The following RAB33A variants were observed in gnomAD, a reference collection of about 807,000 sequenced individuals.
The protein encoded by RAB33A is RAB33A, member RAS oncogene family.
A neutral mutation model predicts 12.0 loss-of-function variants in RAB33A; 6 were observed. The ratio of observed to expected loss-of-function variants is 0.50; its 90% CI spans 0.27 to 0.99. RAB33A has a LOEUF of 0.99. Among genes scored for constraint, RAB33A ranks in the 50% least tolerant of loss-of-function variants. The pLI is 0.11. For missense variants in RAB33A, 109 were observed against 192.0 expected (o/e 0.57, Z 2.55); for synonymous variants, 70 against 82.4 (o/e 0.85, Z 0.81).
chrX:130,115,659 GAGAA>G, the RAB33A span, among the ~76,000 whole-genome samples: 580 of 96,748 alleles, frequency 6.0e-3, 4 homozygotes, highest in African/African-American at 0.016. Flanking sequence ...GAAAGAAAGA[GAGAA>G]AGAGAGAGAG....
the RAB33A span, among the ~76,000 whole-genome samples, chrX:130,116,099 CTTT>C: frequency 3.2e-5 from 2 of 63,053 alleles, no homozygotes; most frequent in Admixed American, 1.8e-4. Flanking sequence ...ACCCCAGGTC[CTTT>C]TTTTTTTTTT....
chrX:130,166,517 T>C, the RAB33A span, among the ~76,000 whole-genome samples: 2 of 112,293 alleles, frequency 1.8e-5, no homozygotes, highest in Non-Finnish European at 1.9e-5. Flanking sequence ...CTTTCAGTTA[T>C]GGGAGTAGGG....
the RAB33A span, chrX:130,140,426 T>C: frequency 1.5e-6 from 1 of 669,144 alleles, no homozygotes; most frequent in South Asian, 2.2e-5. Flanking sequence ...CTTCAGAGAG[T>C]CTGGGTTTCC....
At chrX:130,181,393 A>G (rs2031725982) in intron 1 of RAB33A, among the ~76,000 whole-genome samples, 1 of 112,298 alleles carries the variant, frequency 8.9e-6, no homozygotes, top group Non-Finnish European at 1.9e-5. Context: ...GCAGTCAATT[A>G]GTGGCCATAA....
chrX:130,182,873 G>T (rs1024138026), intron 1 of RAB33A, among the ~76,000 whole-genome samples: 8 of 111,832 alleles, frequency 7.2e-5, no homozygotes, highest in Non-Finnish European at 1.3e-4. Context: ...TTTAATGGCT[G>T]CATAATATCC....
the RAB33A span, among the ~76,000 whole-genome samples, chrX:130,160,883 AAAATAAATAAAT>A: frequency 1.6e-4 from 17 of 107,070 alleles, no homozygotes; most frequent in South Asian, 3.9e-4. Context: ...TCTCTACTTA[AAAATAAATAAAT>A]AAATAAATAA....
the RAB33A span, among the ~76,000 whole-genome samples, chrX:130,157,659 T>C: frequency 8.9e-6 from 1 of 112,159 alleles, no homozygotes; most frequent in Admixed American, 9.4e-5. Context: ...GAAATTCTTT[T>C]TTTTTTCAGC....
the RAB33A span, among the ~76,000 whole-genome samples, chrX:130,166,317 G>C: frequency 9.0e-6 from 1 of 111,316 alleles, no homozygotes; most frequent in Non-Finnish European, 1.9e-5. Context: ...TCCTGGACAA[G>C]TAATTCTGCG....
chrX:130,169,119 A>G (rs1569425210), upstream of RAB33A, among the ~76,000 whole-genome samples: 1 of 108,504 alleles, frequency 9.2e-6, no homozygotes. Flanking sequence ...GAGGCAGGAG[A>G]ATGGCGTGAA....
intron 1 of RAB33A, among the ~76,000 whole-genome samples, chrX:130,184,016 C>T (rs757668943): frequency 1.3e-4 from 15 of 111,678 alleles, no homozygotes; most frequent in South Asian, 3.8e-4. Context: ...CAGCCTCCCC[C>T]GTAGCTGGGA....
chrX:130,178,616 C>A (rs113903228), intron 1 of RAB33A, among the ~76,000 whole-genome samples: 1,307 of 109,419 alleles, frequency 0.012, 16 homozygotes, highest in African/African-American at 0.041. Context: ...GGTGACTGAG[C>A]GAGACCATGT....
At chrX:130,122,614 A>G in the RAB33A span, among the ~76,000 whole-genome samples, 1 of 111,930 alleles carries the variant, frequency 8.9e-6, no homozygotes, top group African/African-American at 3.3e-5. Context: ...TTGGGCTTAT[A>G]TAGCATGAGG....
the RAB33A span, chrX:130,165,503 A>C: frequency 3.7e-6 from 4 of 1,066,928 alleles, no homozygotes; most frequent in Admixed American, 7.7e-5. Context: ...AGGGAGCCTA[A>C]GGCGCCAGGC....
the RAB33A span, among the ~76,000 whole-genome samples, chrX:130,112,332 T>C: frequency 5.1e-4 from 57 of 111,982 alleles, 1 homozygote; most frequent in East Asian, 0.013. Context: ...CCTCTCAAAT[T>C]TGGGGTAGGT....
chrX:130,184,281 C>A lies in RAB33A; in HGVS notation c.259-4C>A. ...CTCCACCTTTGGGTTTTTGTATCTT[C>A]CAGGTTCAGGTGTGGGACACAGCAG... On this transcript the variant is annotated splice_region_variant and splice_polypyrimidine_tract_variant and intron_variant, in intron 1 of 1. Coordinates refer to ENST00000257017, the MANE Select transcript of RAB33A (RefSeq NM_004794.3). The A allele has an allele frequency of 1.7e-6, 2 of 1,202,557 alleles. No individual in the cohort carries two copies. Among genetic ancestry groups the A allele is most frequent in the Non-Finnish European group, 2.2e-6 (2 of 889,531 alleles).
the RAB33A span, among the ~76,000 whole-genome samples, chrX:130,164,999 G>T: frequency 9.2e-6 from 1 of 108,895 alleles, no homozygotes; most frequent in African/African-American, 3.4e-5. Context: ...CACGGCTCAG[G>T]CATCTCCAAT....
At chrX:130,180,170 G>A (rs2031707399) in intron 1 of RAB33A, among the ~76,000 whole-genome samples, 2 of 111,466 alleles carry the variant, frequency 1.8e-5, no homozygotes, top group South Asian at 3.8e-4. Flanking sequence ...AGGTTGGGAA[G>A]GGTCAAATTA....
chrX:130,167,107 G>A (rs1015415255), upstream of RAB33A, among the ~76,000 whole-genome samples: 3 of 112,177 alleles, frequency 2.7e-5, no homozygotes, highest in Non-Finnish European at 5.6e-5. Flanking sequence ...CTTGAAGGAT[G>A]AGTAGTAAAA....
At chrX:130,144,404 A>G in the RAB33A span, among the ~76,000 whole-genome samples, 1 of 112,205 alleles carries the variant, frequency 8.9e-6, no homozygotes, top group Non-Finnish European at 1.9e-5. Context: ...GGCCCCTTGC[A>G]TAACTTCTCA....
Sources: gnomAD v4.1 joint callset for allele counts (sites outside exome capture counted in the v4.1 genomes callset) on GRCh38, gnomAD v4.1.1 for gene constraint, MANE v1.5 for transcripts, NCBI Gene and HGNC (gene_info 2026-07-23, HGNC 2026-07-21) for gene names.